Variants in PSEN1 observed in about 807,000 individuals in gnomAD.
The protein encoded by PSEN1 is presenilin-1.
PSEN1 carries 15 observed loss-of-function variants against 53.5 expected under a neutral mutation model. That is an observed-to-expected ratio of 0.28 (90% CI 0.19 to 0.43). PSEN1 has a LOEUF of 0.43. Ranked by LOEUF, PSEN1 falls within the 20% of genes least tolerant of loss-of-function variation. The pLI is 1.00. For missense variants in PSEN1, 387 were observed against 571.2 expected (o/e 0.68, Z 3.29); for synonymous variants, 208 against 209.8 (o/e 0.99, Z 0.08).
chr14:73,162,443 G>A (rs952249652), intron 3 of PSEN1, among the ~76,000 whole-genome samples: 3 of 142,376 alleles, frequency 2.1e-5, no homozygotes, highest in South Asian at 2.4e-4. Flanking sequence ...TCGCTCGCTC[G>A]CGCGCTCTCT....
intron 3 of PSEN1, among the ~76,000 whole-genome samples, chr14:73,162,457 T>TCTCTCTCC (rs1382163775): frequency 6.8e-6 from 1 of 147,144 alleles, no homozygotes; most frequent in Admixed American, 6.7e-5. Flanking sequence ...GCTCTCTCTC[T>TCTCTCTCC]CTCTCTCCAT....
At chr14:73,139,771 C>T (rs1214597000) in intron 1 of PSEN1, among the ~76,000 whole-genome samples, 1 of 152,090 alleles carries the variant, frequency 6.6e-6, no homozygotes, top group Admixed American at 6.5e-5. Flanking sequence ...AATTCCCAAC[C>T]CTCATCAAGT....
chr14:73,177,278 C>T (rs972226750), intron 5 of PSEN1, among the ~76,000 whole-genome samples: 4 of 151,778 alleles, frequency 2.6e-5, no homozygotes, highest in Admixed American at 2.0e-4. Flanking sequence ...TTGTTTTCTC[C>T]TTTGCATATC....
At chr14:73,140,202 C>CTTTTTTTTTTTTTTTT (rs35223948) in intron 1 of PSEN1, among the ~76,000 whole-genome samples, 1 of 73,040 alleles carries the variant, frequency 1.4e-5, no homozygotes, top group Non-Finnish European at 2.5e-5. Flanking sequence ...TTTTGCTATT[C>CTTTTTTTTTTTTTTTT]TTTTTTTTTT....
intron 3 of PSEN1, among the ~76,000 whole-genome samples, chr14:73,169,678 T>C (rs967664457): frequency 6.6e-6 from 1 of 152,124 alleles, no homozygotes; most frequent in African/African-American, 2.4e-5. Context: ...TTTTTTTTTT[T>C]TGAGCCTTGC....
At chr14:73,209,238 T>G (rs1243835947) in intron 9 of PSEN1, among the ~76,000 whole-genome samples, 3 of 152,182 alleles carry the variant, frequency 2.0e-5, no homozygotes, top group Non-Finnish European at 4.4e-5. Context: ...TCCTGGCTCC[T>G]GCCAGCTCAC....
intron 5 of PSEN1, among the ~76,000 whole-genome samples, chr14:73,185,582 G>A (rs1034228198): frequency 8.6e-5 from 13 of 151,888 alleles, no homozygotes; most frequent in African/African-American, 2.4e-4. Flanking sequence ...GAGGGAGACC[G>A]TGGAAAGAGA....
Position 73,170,925 on chromosome 14 carries a change from G to A in PSEN1, c.216G>A (p.Glu72=), listed in dbSNP as rs200141310. The change falls in exon 4 of 12, where the codon GAG becomes GAA. Residue 72 remains glutamate (E), a synonymous_variant. Coordinates refer to ENST00000324501, the MANE Select transcript of PSEN1 (RefSeq NM_000021.4). ...VVEQDEEEDE[E]LTLKYGAKHV... Reference sequence around the variant, plus strand: ...AGCAAGATGAGGAAGAAGATGAGGAGCTGACATTGAAATATGGCGCCAAGC... The same window carrying A: ...AGCAAGATGAGGAAGAAGATGAGGAACTGACATTGAAATATGGCGCCAAGC... 6 of 1,614,120 alleles carry A rather than the reference G, an allele frequency of 3.7e-6. No individual in the cohort carries two copies. The highest frequency in any genetic ancestry group is 1.3e-5 in the African/African-American group (1 of 74,938).
chr14:73,170,914 GA>G lies in PSEN1; in HGVS notation c.207del (p.Asp70MetfsTer4). The G allele has an allele frequency of 6.2e-7, 1 of 1,614,244 alleles. No individual in the cohort carries two copies. Among genetic ancestry groups the G allele is most frequent in the Non-Finnish European group, 8.5e-7 (1 of 1,180,036 alleles). On this transcript the variant is annotated frameshift_variant, in exon 4 of 12. Coordinates refer to ENST00000324501, the MANE Select transcript of PSEN1 (RefSeq NM_000021.4). LOFTEE classifies it high-confidence loss of function. Reference sequence around the variant, plus strand: ...GCAGGTGGTGGAGCAAGATGAGGAAGAAGATGAGGAGCTGACATTGAAATAT... The same window carrying G: ...GCAGGTGGTGGAGCAAGATGAGGAAGAGATGAGGAGCTGACATTGAAATAT... Reference protein sequence around the residue: ...SRQVVEQDEEEDEELTLKYGA... With the variant: ...SRQVVEQDEEXDEELTLKYGA...
At chr14:73,197,960 C>A in intron 7 of PSEN1, 71 bp from the exon 8 acceptor site, 1 of 838,508 alleles carries the variant, frequency 1.2e-6, no homozygotes, top group Non-Finnish European at 2.0e-6. Context: ...TCGTTAATTC[C>A]TCCCTACCAC....
intron 5 of PSEN1, among the ~76,000 whole-genome samples, chr14:73,177,250 G>T (rs1188527046): frequency 6.6e-6 from 1 of 152,174 alleles, no homozygotes; most frequent in African/African-American, 2.4e-5. Flanking sequence ...TTTTAGCCCA[G>T]AAGGGCCCAT....
intron 3 of PSEN1, among the ~76,000 whole-genome samples, chr14:73,156,203 G>C (rs1897349095): frequency 6.6e-6 from 1 of 151,526 alleles, no homozygotes. Context: ...AATACTAATA[G>C]TAATTAACTG....
intron 3 of PSEN1, among the ~76,000 whole-genome samples, chr14:73,150,937 A>G (rs1234431449): frequency 1.3e-5 from 2 of 151,800 alleles, no homozygotes; most frequent in South Asian, 2.1e-4. Flanking sequence ...GCGTGGTGAC[A>G]CGCGCCTGTA....
chr14:73,161,992 T>TAAAAAAA (rs1179787685), intron 3 of PSEN1, among the ~76,000 whole-genome samples: 2 of 65,362 alleles, frequency 3.1e-5, no homozygotes, highest in East Asian at 4.0e-4. Flanking sequence ...CCGTTTCCAC[T>TAAAAAAA]AAAAAAAAAA....
At chr14:73,149,964 G>A (rs1566618432) in intron 3 of PSEN1, among the ~76,000 whole-genome samples, 4 of 152,160 alleles carry the variant, frequency 2.6e-5, no homozygotes, top group Admixed American at 2.6e-4. Flanking sequence ...TCCTTTTGTG[G>A]GCTGCTGTGC....
chr14:73,177,064 C>T (rs1345413326), intron 5 of PSEN1, among the ~76,000 whole-genome samples: 1 of 152,210 alleles, frequency 6.6e-6, no homozygotes, highest in Admixed American at 6.5e-5. Flanking sequence ...CCACTTGACA[C>T]TGATTCTGGC....
At chr14:73,204,550 G>A (rs1385326605) in intron 8 of PSEN1, among the ~76,000 whole-genome samples, 1 of 150,054 alleles carries the variant, frequency 6.7e-6, no homozygotes. Context: ...AAAAGAACAA[G>A]GAAGAATATG....
chr14:73,165,183 T>G (rs1897672423), intron 3 of PSEN1, among the ~76,000 whole-genome samples: 1 of 152,190 alleles, frequency 6.6e-6, no homozygotes, highest in Admixed American at 6.5e-5. Flanking sequence ...CTTGAACTCC[T>G]GACCTCGGGT....
At chr14:73,172,780 C>T (rs944819308) in intron 4 of PSEN1, among the ~76,000 whole-genome samples, 9 of 152,192 alleles carry the variant, frequency 5.9e-5, no homozygotes, top group African/African-American at 1.9e-4. Context: ...CAGATTAGTA[C>T]GGTGGCTTCA....
Sources: allele counts gnomAD v4.1 joint callset (sites outside exome capture counted in the v4.1 genomes callset), GRCh38; gene constraint gnomAD v4.1.1; transcripts MANE v1.5; gene names NCBI Gene and HGNC (gene_info 2026-07-23, HGNC 2026-07-21).